ZNF615: variants seen among roughly 807,000 people sequenced by gnomAD.
ZNF615 encodes the protein zinc finger protein 615.
ZNF615 carries 15 observed loss-of-function variants against 15.3 expected under a neutral mutation model. That is an observed-to-expected ratio of 0.98 (90% CI 0.66 to 1.51). The LOEUF (loss-of-function observed/expected upper bound fraction) is 1.51. Ranked by LOEUF, ZNF615 falls within the 40% of genes most tolerant of loss-of-function variation. The probability of loss-of-function intolerance (pLI) is 0.00; values close to 1 mark genes in which losing one functional copy is unlikely to be tolerated. For missense variants in ZNF615, 848 were observed against 895.9 expected (o/e 0.95, Z 0.68); for synonymous variants, 268 against 294.6 (o/e 0.91, Z 0.92).
At chr19:52,005,393 G>A (rs140553830) in intron 2 of ZNF615, among the ~76,000 whole-genome samples, 121 of 152,276 alleles carry the variant, frequency 7.9e-4, no homozygotes, top group African/African-American at 2.5e-3. Context: ...TATGTTGTTT[G>A]TAATCAATAG....
chr19:51,994,004 G>A lies in ZNF615; in HGVS notation c.1105C>T (p.Arg369Cys), dbSNP rs748566184. 19 of 1,611,914 alleles carry A rather than the reference G, an allele frequency of 1.2e-5. No homozygotes were observed. Among genetic ancestry groups the A allele is most frequent in the East Asian group, 4.5e-5 (2 of 44,786 alleles). ...ECGKGFIEKRRLTAHHRTHTG... is the reference protein window; with the variant it reads ...ECGKGFIEKRCLTAHHRTHTG... ...TGAGTTCGATGATGTGCAGTAAGAC[G>A]CCTCTTCTCAATGAAGCCTTTTCCA... The change falls in exon 7 of 7, where the codon CGT (arginine) becomes TGT (cysteine). Residue 369 changes from arginine to cysteine, a missense_variant. Transcript: ENST00000598071.
At chr19:52,007,553 A>G (rs1334442807) in intron 1 of ZNF615, among the ~76,000 whole-genome samples, 1 of 152,162 alleles carries the variant, frequency 6.6e-6, no homozygotes, top group African/African-American at 2.4e-5. Flanking sequence ...AATGCTAATG[A>G]GCATCAATTC....
chr19:52,005,429 A>G (rs1358054836), intron 2 of ZNF615, among the ~76,000 whole-genome samples: 1 of 152,252 alleles, frequency 6.6e-6, no homozygotes, highest in African/African-American at 2.4e-5. Flanking sequence ...TAATTTTTAA[A>G]AAATTATTTC....
chr19:51,997,449 G>A (rs372132952), intron 6 of ZNF615, among the ~76,000 whole-genome samples: 518 of 152,224 alleles, frequency 3.4e-3, no homozygotes, highest in South Asian at 8.9e-3. Context: ...TTTTCCCAAA[G>A]CACAATCTCA....
chr19:52,003,913 T>G lies in ZNF615; in HGVS notation c.-189-13A>C. The stretch of plus-strand genomic sequence containing the variant: ...CAGCACCTGTGGGCTGAAGAGCAAA[T>G]TACTCTGAGTGGTACATTCTTTTTA... On this transcript the variant is annotated splice_polypyrimidine_tract_variant and intron_variant, in intron 2 of 6. Coordinates refer to ENST00000598071, the MANE Select transcript of ZNF615 (RefSeq NM_001199324.2). 1 of 1,363,058 alleles carries G rather than the reference T, an allele frequency of 7.3e-7. No homozygotes were observed. 84.4% of individuals were successfully genotyped at this position (1,363,058 alleles called of 1,614,324 possible). A position where few individuals can be genotyped will look rare whatever the true frequency, so the allele number is the denominator to read the frequency against.
chr19:51,999,787 T>C (rs1272850101), intron 6 of ZNF615, among the ~76,000 whole-genome samples: 2 of 152,316 alleles, frequency 1.3e-5, no homozygotes, highest in South Asian at 2.1e-4. Flanking sequence ...AGAAATAATA[T>C]ACGATATTAA....
Position 51,992,853 on chromosome 19 carries a change from A to T in ZNF615, c.*27T>A, listed in dbSNP as rs1051188408. The T allele has an allele frequency of 6.2e-7, 1 of 1,609,708 alleles. No individual in the cohort carries two copies. On this transcript the variant is annotated 3_prime_UTR_variant, in exon 7 of 7. Transcript: ENST00000598071. ...CTTTGCAGATATCTTAAGGGCCTAC[A>T]TCTGGCAAGAGGCTTTCCCAAAATG...
chr19:51,992,504 G>A lies in ZNF615; in HGVS notation c.*376C>T. 6.7e-6 allele frequency: 1 copy of A among 149,690 alleles called. No individual in the cohort carries two copies. Among genetic ancestry groups the A allele is most frequent in the Admixed American group, 6.9e-5 (1 of 14,394 alleles). 9.3% of individuals were successfully genotyped at this position (149,690 alleles called of 1,614,324 possible). On this transcript the variant is annotated 3_prime_UTR_variant, in exon 7 of 7. Coordinates refer to ENST00000598071, the MANE Select transcript of ZNF615 (RefSeq NM_001199324.2). Reference sequence around the variant, plus strand: ...ACTGAAAACCCTGCCACAGGGGTTTGCCAGAGGAAAGTATTTCTCCAGTGT... The same window carrying A: ...ACTGAAAACCCTGCCACAGGGGTTTACCAGAGGAAAGTATTTCTCCAGTGT...
intron 3 of ZNF615, 69 bp downstream of exon 3, chr19:52,003,628 C>T: frequency 1.4e-6 from 2 of 1,432,910 alleles, no homozygotes; most frequent in Non-Finnish European, 1.9e-6. Flanking sequence ...GATTAATTAC[C>T]CTGATTTTTA....
chr19:52,008,006 G>C lies in ZNF615; in HGVS notation c.-228+135C>G, dbSNP rs2086804143. ...GGAATCGGACCCACGCTAAGCTCCT[G>C]AAAGAATTCCACTGGCGTCGCCAAA... On this transcript the variant is annotated intron_variant, in intron 1 of 6. Transcript: ENST00000598071. 3 of 789,462 alleles carry C rather than the reference G, an allele frequency of 3.8e-6. No homozygotes were observed. In the Admixed American group the frequency reaches 7.5e-5, roughly 20 times the overall value. 48.9% of individuals were successfully genotyped at this position (789,462 alleles called of 1,614,324 possible).
Position 51,993,906 on chromosome 19 carries a change from A to ATGTG in ZNF615, c.1199_1202dup (p.Gln402ThrfsTer14). On this transcript the variant is annotated frameshift_variant, in exon 7 of 7. Coordinates refer to ENST00000598071, the MANE Select transcript of ZNF615 (RefSeq NM_001199324.2). LOFTEE classifies it low-confidence loss of function (END_TRUNC). ...ATTTCTCTCCTGTATGAGTTTGCTG[A>ATGTG]TGTGTGATAAGACTGTTCTTCAAGG... 1.2e-6 allele frequency: 2 copies of ATGTG among 1,614,170 alleles called. No individual in the cohort carries two copies. Among genetic ancestry groups the ATGTG allele is most frequent in the Non-Finnish European group, 1.7e-6 (2 of 1,180,036 alleles).
chr19:51,993,013 G>C lies in ZNF615; in HGVS notation c.2096C>G (p.Ala699Gly). Residue 699 changes from alanine to glycine, a missense_variant, in exon 7 of 7, where the codon GCC becomes GGC. Coordinates refer to ENST00000598071, the MANE Select transcript of ZNF615 (RefSeq NM_001199324.2). ...ATTGAGCCCTGATTTTGTAGTGAAG[G>C]CTTTCCCGCAGTCACTGCATTTGTA... ...KPYKCSDCGKAFTTKSGLNVH... is the reference protein window; with the variant it reads ...KPYKCSDCGKGFTTKSGLNVH... 1 of 1,614,150 alleles carries C rather than the reference G, an allele frequency of 6.2e-7. No homozygotes were observed. Among genetic ancestry groups the C allele is most frequent in the South Asian group, 1.1e-5 (1 of 91,080 alleles).
chr19:51,992,774 G>A lies in ZNF615; in HGVS notation c.*106C>T. 7.8e-7 allele frequency: 1 copy of A among 1,279,220 alleles called. No homozygotes were observed. The highest frequency in any genetic ancestry group is 1.1e-6 in the Non-Finnish European group (1 of 924,016). 79.2% of individuals were successfully genotyped at this position (1,279,220 alleles called of 1,614,324 possible). ...TGTTTTCTCTGACACAAAACATGAA[G>A]TAACTGATCACTAAATAAACAACCA... On this transcript the variant is annotated 3_prime_UTR_variant, in exon 7 of 7. Transcript: ENST00000598071.
chr19:52,001,702 G>A, intron 5 of ZNF615, 111 bp downstream of exon 5: 1 of 769,286 alleles, frequency 1.3e-6, no homozygotes, highest in Non-Finnish European at 2.3e-6. Flanking sequence ...AAGAAGGAGT[G>A]ATGGAGGGGC....
chr19:52,002,016 GA>G lies in ZNF615; in HGVS notation c.143-109del. ...TACATAGGTATCAGATCTGTAACAA[GA>G]AGGTAGATTATACTCTCTTGTGTGG... is the stretch of plus-strand genomic sequence containing the variant. On this transcript the variant is annotated intron_variant, in intron 4 of 6. Transcript: ENST00000598071. 13 of 1,604,362 alleles carry G rather than the reference GA, an allele frequency of 8.1e-6. No homozygotes were observed. In the South Asian group the frequency reaches 1.4e-4, roughly 18 times the overall value.
Position 51,993,593 on chromosome 19 carries a change from C to T in ZNF615, c.1516G>A (p.Val506Met), listed in dbSNP as rs746528484. The T allele has an allele frequency of 1.2e-6, 2 of 1,613,720 alleles. No individual in the cohort carries two copies. Among genetic ancestry groups the T allele is most frequent in the Non-Finnish European group, 1.7e-6 (2 of 1,179,924 alleles). The part of the protein sequence containing the change: ...ICNDCGKGFT[V>M]KSRLIVHQRT... ...TGATGCACAATAAGGCGGCTCTTCA[C>T]AGTGAAGCCTTTTCCACAATCATTG... is the stretch of plus-strand genomic sequence containing the variant. The change falls in exon 7 of 7, where the codon GTG becomes ATG. Residue 506 changes from valine to methionine, a missense_variant. Transcript: ENST00000598071.
At chr19:52,001,044 GA>G (rs1210697693) in intron 5 of ZNF615, among the ~76,000 whole-genome samples, 2 of 152,010 alleles carry the variant, frequency 1.3e-5, no homozygotes, top group African/African-American at 4.8e-5. Flanking sequence ...CCAGAGTGGA[GA>G]AAATGAGGGA....
At position 52,007,359 on chromosome 19, in the gene ZNF615, T is replaced by C. The variant is rs979552205; in HGVS notation, c.-227-29A>G. 8.6e-6 allele frequency: 11 copies of C among 1,274,438 alleles called. No homozygotes were observed. The African/African-American group carries it at 1.5e-4, about 18-fold the overall frequency. 78.9% of individuals were successfully genotyped at this position (1,274,438 alleles called of 1,614,324 possible). A position where few individuals can be genotyped will look rare whatever the true frequency, so the allele number is the denominator to read the frequency against. On this transcript the variant is annotated intron_variant, in intron 1 of 6. Transcript: ENST00000598071. ...AAAAGAAATATCCAAGAGGATACGCTGGAAACTTGCAGGACAAAGGGTAGA... is the reference window on the plus strand; with the variant it reads ...AAAAGAAATATCCAAGAGGATACGCCGGAAACTTGCAGGACAAAGGGTAGA...
Position 51,996,703 on chromosome 19 carries a change from G to A in ZNF615, c.272-1866C>T, listed in dbSNP as rs563155707. On this transcript the variant is annotated intron_variant, in intron 6 of 6. Coordinates refer to ENST00000598071, the MANE Select transcript of ZNF615 (RefSeq NM_001199324.2). ...GAAACATGTAGAAAAAAAGAATGAA[G>A]GCACAGGGCCAGGGATCTTGTCAAT... Among the ~76,000 whole-genome samples, 15 of 152,318 alleles carry A rather than the reference G, an allele frequency of 9.8e-5. No homozygotes were observed. In the South Asian group the frequency reaches 2.3e-3, roughly 23 times the overall value.
Sources: gnomAD v4.1 joint callset for allele counts (sites outside exome capture counted in the v4.1 genomes callset) on GRCh38, gnomAD v4.1.1 for gene constraint, MANE v1.5 for transcripts, NCBI Gene and HGNC (gene_info 2026-07-23, HGNC 2026-07-21) for gene names.